Variants in RTF1 observed in about 807,000 individuals in gnomAD.
RTF1 encodes the protein RNA polymerase-associated protein RTF1 homolog.
RTF1 carries 10 observed loss-of-function variants against 95.7 expected under a neutral mutation model. The ratio of observed to expected loss-of-function variants is 0.10; its 90% CI spans 0.06 to 0.18. The LOEUF (loss-of-function observed/expected upper bound fraction) is 0.18. RTF1 is among the 10% of genes least tolerant of loss of function. The pLI, the probability that RTF1 is intolerant of heterozygous loss-of-function variation, is 1.00. For synonymous variants in RTF1, 305 were observed against 311.8 expected, an observed-to-expected ratio of 0.98 and a Z score of 0.23; for missense variants, 458 against 875.6, an observed-to-expected ratio of 0.52 and a Z score of 6.02.
intron 2 of RTF1, among the ~76,000 whole-genome samples, chr15:41,438,967 C>CT (rs538080651): frequency 0.027 from 3,589 of 133,024 alleles, 154 homozygotes; most frequent in African/African-American, 0.084. Context: ...CATTCTGTAG[C>CT]TTTTTTTTTT....
chr15:41,431,687 C>T (rs909259174), intron 1 of RTF1, among the ~76,000 whole-genome samples: 33 of 152,180 alleles, frequency 2.2e-4, no homozygotes, highest in African/African-American at 6.5e-4. Flanking sequence ...TTTGTACAGA[C>T]GGGGTTTCAC....
At chr15:41,419,249 C>T (rs8026197) in intron 1 of RTF1, among the ~76,000 whole-genome samples, 52,330 of 152,042 alleles carry the variant, frequency 0.34, 9,191 homozygotes, top group African/African-American at 0.41. Context: ...ATGTTTCAGA[C>T]AATAACAACA....
chr15:41,465,015 A>G lies in RTF1; in HGVS notation c.777+130A>G, dbSNP rs564181496. Reference sequence around the variant, plus strand: ...AGCCTAAGTTTATAAGACTTGTGACATGGTTTCATTAATCTCTGGACATAT... The same window carrying G: ...AGCCTAAGTTTATAAGACTTGTGACGTGGTTTCATTAATCTCTGGACATAT... On this transcript the variant is annotated intron_variant, in intron 5 of 17. Coordinates refer to ENST00000389629, the MANE Select transcript of RTF1 (RefSeq NM_015138.5). 1.7e-5 allele frequency: 23 copies of G among 1,344,026 alleles called. No individual in the cohort carries two copies. The African/African-American group carries it at 3.3e-4, about 19-fold the overall frequency. 83.3% of individuals were successfully genotyped at this position (1,344,026 alleles called of 1,614,324 possible).
At chr15:41,428,613 C>T (rs2050651507) in intron 1 of RTF1, among the ~76,000 whole-genome samples, 3 of 150,876 alleles carry the variant, frequency 2.0e-5, no homozygotes, top group African/African-American at 7.3e-5. Context: ...CACTCTGTTA[C>T]CCAAGCTGAA....
At position 41,482,009 on chromosome 15, in the gene RTF1, G is replaced by A; in HGVS notation, c.*1322G>A. 1 of 152,288 alleles carries A rather than the reference G, an allele frequency of 6.6e-6. No individual in the cohort carries two copies. The highest frequency in any genetic ancestry group is 6.5e-5 in the Admixed American group (1 of 15,286). 9.4% of individuals were successfully genotyped at this position (152,288 alleles called of 1,614,324 possible). The stretch of plus-strand genomic sequence containing the variant: ...ACAGGAGAATCCCTTGAACCTGGGA[G>A]GCGGAGGTTGTGGTGAGCCAAGATC... On this transcript the variant is annotated 3_prime_UTR_variant, in exon 18 of 18. Transcript: ENST00000389629.
intron 3 of RTF1, among the ~76,000 whole-genome samples, chr15:41,457,262 G>A (rs145116728): frequency 2.6e-5 from 4 of 152,094 alleles, no homozygotes; most frequent in African/African-American, 9.6e-5. Flanking sequence ...ATAAATAGGC[G>A]CAGTGGCTCA....
At chr15:41,421,456 TAAA>T (rs754975327) in intron 1 of RTF1, among the ~76,000 whole-genome samples, 3 of 135,300 alleles carry the variant, frequency 2.2e-5, no homozygotes, top group Non-Finnish European at 1.6e-5. Flanking sequence ...AACTCTGTAT[TAAA>T]AAAAAAAAAA....
chr15:41,480,695 C>T lies in RTF1; in HGVS notation c.*8C>T, dbSNP rs1322842499. ...CGACGAGGGCTTATTTGAGCACACCCAGCCTGCTGCTTCTGACCCTGCATG... is the reference window on the plus strand; with the variant it reads ...CGACGAGGGCTTATTTGAGCACACCTAGCCTGCTGCTTCTGACCCTGCATG... On this transcript the variant is annotated 3_prime_UTR_variant, in exon 18 of 18. Coordinates refer to ENST00000389629, the MANE Select transcript of RTF1 (RefSeq NM_015138.5). 1.0e-5 allele frequency: 16 copies of T among 1,594,154 alleles called. No homozygotes were observed. Among genetic ancestry groups the T allele is most frequent in the Non-Finnish European group, 1.4e-5 (16 of 1,161,762 alleles).
intron 8 of RTF1, 131 bp from the exon 9 acceptor site, chr15:41,474,489 C>T (rs541852802): frequency 2.9e-6 from 2 of 696,978 alleles, no homozygotes; most frequent in South Asian, 3.5e-5. Context: ...TCTCAGAACC[C>T]CTGGCAGCTG....
chr15:41,467,157 C>G (rs1269955656), intron 6 of RTF1, among the ~76,000 whole-genome samples: 1 of 152,170 alleles, frequency 6.6e-6, no homozygotes, highest in Non-Finnish European at 1.5e-5. Context: ...GCAATTCACC[C>G]TCCTGATGGC....
chr15:41,445,237 A>C (rs2050755075), intron 2 of RTF1, among the ~76,000 whole-genome samples: 1 of 152,158 alleles, frequency 6.6e-6, no homozygotes, highest in Non-Finnish European at 1.5e-5. Context: ...GCCCGGCCTC[A>C]TGAGCTTTAT....
Position 41,470,369 on chromosome 15 carries a change from A to C in RTF1, c.1002A>C (p.Thr334=), listed in dbSNP as rs1045338389. Reference sequence around the variant, plus strand: ...AAAAGTCAGACCGCTCATCACGAACATCATCGTCTGATGAAGAAGAGGAGT... The same window carrying C: ...AAAAGTCAGACCGCTCATCACGAACCTCATCGTCTGATGAAGAAGAGGAGT... The part of the protein sequence containing the change: ...SSEKSDRSSR[T]SSSDEEEEKE... The change falls in exon 7 of 18, where the codon ACA becomes ACC. Residue 334 remains threonine, a synonymous_variant. Transcript: ENST00000389629. 17 of 1,614,058 alleles carry C rather than the reference A, an allele frequency of 1.1e-5. No individual in the cohort carries two copies. The African/African-American group carries it at 2.1e-4, about 20-fold the overall frequency.
chr15:41,444,819 G>T (rs1190085801), intron 2 of RTF1, among the ~76,000 whole-genome samples: 1 of 152,144 alleles, frequency 6.6e-6, no homozygotes, highest in African/African-American at 2.4e-5. Flanking sequence ...CTGTCGTGGG[G>T]TCAGGAAGCC....
At chr15:41,473,325 G>C (rs1415394208) in intron 8 of RTF1, among the ~76,000 whole-genome samples, 1 of 151,744 alleles carries the variant, frequency 6.6e-6, no homozygotes, top group Non-Finnish European at 1.5e-5. Context: ...GTAGAGACGG[G>C]GTTTCACCTT....
chr15:41,424,677 T>C (rs2050619660), intron 1 of RTF1, among the ~76,000 whole-genome samples: 1 of 152,202 alleles, frequency 6.6e-6, no homozygotes, highest in Non-Finnish European at 1.5e-5. Flanking sequence ...TACTGGGTTG[T>C]GAGGTATAAT....
chr15:41,457,733 A>C lies in RTF1; in HGVS notation c.519A>C (p.Ser173=). 3 of 1,614,010 alleles carry C rather than the reference A, an allele frequency of 1.9e-6. No homozygotes were observed. Among genetic ancestry groups the C allele is most frequent in the Middle Eastern group, 1.7e-4 (1 of 6,058 alleles). ...CCAGTTCAGATTCAGACTCTTCCTCAGAAGATGAAGAGTTCCATGATGGCT... is the reference window on the plus strand; with the variant it reads ...CCAGTTCAGATTCAGACTCTTCCTCCGAAGATGAAGAGTTCCATGATGGCT... ...SSSSSDSDSS[S]EDEEFHDGYG... The change falls in exon 4 of 18, where the codon TCA becomes TCC. Residue 173 remains serine, a synonymous_variant. Transcript: ENST00000389629.
intron 1 of RTF1, among the ~76,000 whole-genome samples, chr15:41,417,983 A>C (rs1173526692): frequency 3.3e-5 from 5 of 152,086 alleles, no homozygotes; most frequent in Non-Finnish European, 7.4e-5. Flanking sequence ...GAAATAGAGA[A>C]CTATGTAGGG....
intron 7 of RTF1, 111 bp from the exon 8 acceptor site, chr15:41,471,061 C>T: frequency 1.0e-6 from 1 of 1,000,396 alleles, no homozygotes. Flanking sequence ...ACTTCTCCTC[C>T]TAGGCCAGTC....
chr15:41,434,135 A>G (rs61255487), intron 1 of RTF1, among the ~76,000 whole-genome samples: 7,980 of 142,812 alleles, frequency 0.056, 479 homozygotes, highest in African/African-American at 0.15. Flanking sequence ...GTGAGCCACC[A>G]CGCCTGGCCT....
Sources: gnomAD v4.1 joint callset for allele counts (sites outside exome capture counted in the v4.1 genomes callset) on GRCh38, gnomAD v4.1.1 for gene constraint, MANE v1.5 for transcripts, NCBI Gene and HGNC (gene_info 2026-07-23, HGNC 2026-07-21) for gene names.